The following CDCP2 variants were observed in gnomAD, a reference collection of about 807,000 sequenced individuals.
CDCP2 encodes CUB domain-containing protein 2.
CDCP2 carries 31 observed loss-of-function variants against 31.0 expected under a neutral mutation model. The ratio of observed to expected loss-of-function variants is 1.00; its 90% CI spans 0.75 to 1.35. The LOEUF (loss-of-function observed/expected upper bound fraction) is 1.35, where lower values mean the gene tolerates loss of function less well. CDCP2 is among the 40% of genes most tolerant of loss of function. The pLI, the probability that CDCP2 is intolerant of heterozygous loss-of-function variation, is 0.00. For synonymous variants in CDCP2, 206 were observed against 207.9 expected, an observed-to-expected ratio of 0.99 and a Z score of 0.08; for missense variants, 443 against 482.6, an observed-to-expected ratio of 0.92 and a Z score of 0.77.
chr1:54,135,881 C>A (rs1467506060), intron 5 of CDCP2, among the ~76,000 whole-genome samples: 1 of 152,148 alleles, frequency 6.6e-6, no homozygotes, highest in Non-Finnish European at 1.5e-5. Context: ...GACTGCAAAG[C>A]CCCTGGATTT....
chr1:54,136,419 C>T (rs78788651), intron 5 of CDCP2, among the ~76,000 whole-genome samples: 7 of 152,310 alleles, frequency 4.6e-5, no homozygotes, highest in African/African-American at 1.7e-4. Context: ...ACCAGAGGGA[C>T]ACCCTCTCCT....
intron 5 of CDCP2, among the ~76,000 whole-genome samples, chr1:54,135,425 T>A (rs776155677): frequency 5.9e-5 from 9 of 152,210 alleles, no homozygotes; most frequent in Non-Finnish European, 1.2e-4. Flanking sequence ...TTATAAGGGT[T>A]ACACTAATAA....
exon 4 of CDCP2, chr1:54,140,006 G>A (rs778149480): frequency 5.0e-6 from 8 of 1,614,100 alleles, no homozygotes; most frequent in South Asian, 4.4e-5. Flanking sequence ...CCGGGGGCAG[G>A]CGGATGGTCC....
chr1:54,137,152 C>A (rs1235610959), intron 4 of CDCP2, among the ~76,000 whole-genome samples: 2 of 152,176 alleles, frequency 1.3e-5, no homozygotes, highest in African/African-American at 4.8e-5. Context: ...TGGCCATGTG[C>A]CAGGCAATTC....
chr1:54,150,974 A>G (rs1053646359), intron 1 of CDCP2, among the ~76,000 whole-genome samples: 1 of 152,190 alleles, frequency 6.6e-6, no homozygotes, highest in Admixed American at 6.5e-5. Flanking sequence ...GGCAAATGAG[A>G]CAAAACACAC....
exon 1 of CDCP2, chr1:54,152,904 C>A (rs779659965): frequency 2.0e-5 from 33 of 1,613,978 alleles, no homozygotes; most frequent in Non-Finnish European, 2.6e-5. Context: ...AGCAGGCAAG[C>A]CCCCCACTCT....
exon 4 of CDCP2, chr1:54,140,012 G>T: frequency 6.2e-7 from 1 of 1,614,066 alleles, no homozygotes; most frequent in Non-Finnish European, 8.5e-7. Context: ...GCAGGCGGAT[G>T]GTCCAGTGGC....
exon 4 of CDCP2, chr1:54,139,824 T>C (rs1659329288): frequency 6.2e-6 from 10 of 1,614,146 alleles, no homozygotes; most frequent in Non-Finnish European, 6.8e-6. Flanking sequence ...CAGAAGCTGG[T>C]TGTGGCTTGA....
intron 2 of CDCP2, 98 bp from the exon 3 acceptor site, chr1:54,141,531 T>G (rs1209035349): frequency 4.7e-6 from 5 of 1,064,924 alleles, no homozygotes; most frequent in Non-Finnish European, 6.8e-6. Context: ...CCCCCACAGG[T>G]ATCTCATTAG....
exon 2 of CDCP2, chr1:54,144,612 G>A (rs1224911236): frequency 6.2e-7 from 1 of 1,614,100 alleles, no homozygotes; most frequent in African/African-American, 1.3e-5. Context: ...GTCTGGTGAG[G>A]CCCCATTGTA....
At chr1:54,148,974 A>ATATATAATATATTTATTTTATAT (rs149408012) in intron 1 of CDCP2, among the ~76,000 whole-genome samples, 2 of 146,286 alleles carry the variant, frequency 1.4e-5, no homozygotes, top group Admixed American at 6.8e-5. Flanking sequence ...TTAAAAAAAA[A>ATATATAATATATTTATTTTATAT]ATATATATAT....
rs1208449251 is a variant in CDCP2, at chr1:54,152,836, G to C, written c.79+8C>G. The C allele has an allele frequency of 6.2e-7, 1 of 1,613,766 alleles. No individual in the cohort carries two copies. Among genetic ancestry groups the C allele is most frequent in the Non-Finnish European group, 8.5e-7 (1 of 1,179,766 alleles). The stretch of plus-strand genomic sequence containing the variant: ...CTCTCAGTTCATGTCTGTCCCAAGA[G>C]TGCCTACCTTCCATGGCTTGGGCCT... On this transcript the variant is annotated splice_region_variant and intron_variant, in intron 1 of 5. Coordinates refer to ENST00000530059, the Ensembl canonical transcript of CDCP2.
At chr1:54,137,679 G>GTGTGTGTGTGCA (rs1328967082) in intron 4 of CDCP2, 2 of 126,222 alleles carry the variant, frequency 1.6e-5, no homozygotes, top group Non-Finnish European at 3.3e-5. Flanking sequence ...GTGTGTGTGT[G>GTGTGTGTGTGCA]TGTGCGTGTG....
intron 1 of CDCP2, 70 bp from the exon 2 acceptor site, chr1:54,144,883 G>C: frequency 3.3e-6 from 4 of 1,217,486 alleles, no homozygotes; most frequent in Non-Finnish European, 4.6e-6. Flanking sequence ...AGGGCAGTGG[G>C]CCCAGCTACA....
At chr1:54,136,205 A>C (rs1659256709) in intron 5 of CDCP2, among the ~76,000 whole-genome samples, 1 of 152,188 alleles carries the variant, frequency 6.6e-6, no homozygotes, top group Admixed American at 6.5e-5. Context: ...ACAGCTCTGC[A>C]TACTAAAGGG....
At chr1:54,145,386 G>A (rs1453842222) in intron 1 of CDCP2, among the ~76,000 whole-genome samples, 7 of 151,888 alleles carry the variant, frequency 4.6e-5, no homozygotes, top group African/African-American at 9.7e-5. Flanking sequence ...AGATCATGCC[G>A]CTGCACTCCA....
rs773948499 is a variant in CDCP2, at chr1:54,152,909, C to T, written c.14G>A (p.Trp5Ter). The change falls in exon 1 of 6, where the codon TGG becomes TAG. Residue 5 changes from tryptophan to a stop codon, truncating the protein, a stop_gained. Coordinates refer to ENST00000530059, the Ensembl canonical transcript of CDCP2. LOFTEE classifies it high-confidence loss of function. Reference sequence around the variant, plus strand: ...CACTGCCAGCAGCAGGCAAGCCCCCCACTCTGCCAGCATCTCCTCACCAGG... The same window carrying T: ...CACTGCCAGCAGCAGGCAAGCCCCCTACTCTGCCAGCATCTCCTCACCAGG... 5 of 1,614,220 alleles carry T rather than the reference C, an allele frequency of 3.1e-6. No individual in the cohort carries two copies. The South Asian group carries it at 4.4e-5, about 14-fold the overall frequency.
intron 2 of CDCP2, chr1:54,143,350 A>G (rs1659406163): frequency 6.6e-6 from 1 of 152,290 alleles, no homozygotes; most frequent in African/African-American, 2.4e-5. Flanking sequence ...AAAACAAACA[A>G]ACAAACAAAA....
At chr1:54,148,973 A>ATATAT (rs879439844) in intron 1 of CDCP2, among the ~76,000 whole-genome samples, 22 of 140,920 alleles carry the variant, frequency 1.6e-4, no homozygotes, top group Middle Eastern at 3.7e-3. Flanking sequence ...TTTAAAAAAA[A>ATATAT]AATATATATA....
Sources: allele counts gnomAD v4.1 joint callset (sites outside exome capture counted in the v4.1 genomes callset), GRCh38; gene constraint gnomAD v4.1.1; transcripts MANE v1.5; gene names NCBI Gene and HGNC (gene_info 2026-07-23, HGNC 2026-07-21).